Variants in PDILT observed in about 807,000 individuals in gnomAD.
PDILT encodes the protein protein disulfide isomerase like, testis expressed, also known as protein disulfide-isomerase-like protein of the testis.
In PDILT, 43 loss-of-function variants were observed where a neutral mutation model predicts 53.7. The observed-to-expected ratio is 0.80, with a 90% CI of 0.63 to 1.03. The LOEUF (loss-of-function observed/expected upper bound fraction) is 1.03. PDILT is among the 50% of genes least tolerant of loss of function. The pLI, the probability that PDILT is intolerant of heterozygous loss-of-function variation, is 0.00. For synonymous variants in PDILT, 282 were observed against 274.2 expected, an observed-to-expected ratio of 1.03 and a Z score of -0.28; for missense variants, 727 against 712.3, an observed-to-expected ratio of 1.02 and a Z score of -0.24.
intron 2 of PDILT, among the ~76,000 whole-genome samples, chr16:20,392,158 G>A (rs773430251): frequency 6.6e-6 from 1 of 152,106 alleles, no homozygotes; most frequent in Non-Finnish European, 1.5e-5. Context: ...TTAGAAAGTG[G>A]CATCCACAGG....
At chr16:20,374,782 A>G in intron 5 of PDILT, 40 bp downstream of exon 5, 1 of 1,584,260 alleles carries the variant, frequency 6.3e-7, no homozygotes, top group South Asian at 1.2e-5. Flanking sequence ...CACTACTTTG[A>G]ACCAGAGACC....
chr16:20,363,071 CAAAAA>C (rs1187383410), intron 9 of PDILT, among the ~76,000 whole-genome samples: 10 of 93,556 alleles, frequency 1.1e-4, no homozygotes, highest in African/African-American at 3.8e-4. Flanking sequence ...GACTCCATCT[CAAAAA>C]AAAAAAAAAA....
rs1482024087 is a variant in PDILT at position 20,400,044 on chromosome 16, ATCTATC to A, written c.-7-743_-7-738del. 8.1e-3 allele frequency among the ~76,000 whole-genome samples: 1,031 copies of A among 127,790 alleles called. 14 individuals carry two copies. Among genetic ancestry groups the A allele is most frequent in the African/African-American group, 0.03 (917 of 30,128 alleles). 83.8% of individuals were successfully genotyped at this position (127,790 alleles called of 152,430 possible). On this transcript the variant is annotated intron_variant, in intron 1 of 11. Transcript: ENST00000302451. ...TATCTATCTATCTATCTATCTATCT[ATCTATC>A]TATCTATATATATATATATATATTT...
chr16:20,383,944 T>C (rs1966495514), intron 3 of PDILT, among the ~76,000 whole-genome samples: 1 of 152,228 alleles, frequency 6.6e-6, no homozygotes, highest in Non-Finnish European at 1.5e-5. Context: ...GCTTGGCACA[T>C]GGTAGCTTGT....
chr16:20,379,211 G>A (rs991012109), intron 3 of PDILT, among the ~76,000 whole-genome samples: 1 of 151,798 alleles, frequency 6.6e-6, no homozygotes, highest in Admixed American at 6.6e-5. Context: ...GTCTTGCTCT[G>A]TTGCCCAGGC....
chr16:20,380,876 C>T (rs143528703), intron 3 of PDILT, among the ~76,000 whole-genome samples: 45 of 152,318 alleles, frequency 3.0e-4, no homozygotes, highest in South Asian at 2.1e-4. Context: ...GCCCCTCTGG[C>T]CCCTGTGGGA....
At chr16:20,399,077 C>T in intron 2 of PDILT, 22 bp downstream of exon 2, 1 of 1,613,934 alleles carries the variant, frequency 6.2e-7, no homozygotes. Context: ...TATCATCCAT[C>T]ACCCAGGATG....
At position 20,367,027 on chromosome 16, in the gene PDILT, CTTTCTTTCTTTCTTTCTTT is replaced by C. The variant is rs1966210873; in HGVS notation, c.1117-1506_1117-1488del. Among the ~76,000 whole-genome samples, 15 of 6,224 alleles carry C rather than the reference CTTTCTTTCTTTCTTTCTTT, an allele frequency of 2.4e-3. 2 individuals are homozygous for C. The highest frequency in any genetic ancestry group is 0.018 in the South Asian group (8 of 448). 4.1% of individuals were successfully genotyped at this position (6,224 alleles called of 152,430 possible). ...TTATTTATTTCTCTCTCTCTTTCTT[CTTTCTTTCTTTCTTTCTTT>C]CTTTCTTTCTTTCTTTCTTTCTTTC... On this transcript the variant is annotated intron_variant, in intron 8 of 11. Coordinates refer to ENST00000302451, the MANE Select transcript of PDILT (RefSeq NM_174924.2).
At chr16:20,366,412 C>T (rs868563713) in intron 8 of PDILT, among the ~76,000 whole-genome samples, 7 of 152,144 alleles carry the variant, frequency 4.6e-5, no homozygotes, top group African/African-American at 1.2e-4. Context: ...TGACCCTCCC[C>T]GCATCTAGAT....
intron 1 of PDILT, among the ~76,000 whole-genome samples, chr16:20,400,063 T>A (rs1024742961): frequency 8.9e-6 from 1 of 112,772 alleles, no homozygotes; most frequent in Non-Finnish European, 1.9e-5. Flanking sequence ...TCTATATATA[T>A]ATATATATAT....
intron 3 of PDILT, among the ~76,000 whole-genome samples, chr16:20,384,134 G>C (rs1966498049): frequency 6.6e-6 from 1 of 152,126 alleles, no homozygotes; most frequent in South Asian, 2.1e-4. Context: ...TCATTCTAAA[G>C]TCAAAGATTG....
chr16:20,395,097 T>C (rs1379845611), intron 2 of PDILT, among the ~76,000 whole-genome samples: 1 of 152,244 alleles, frequency 6.6e-6, no homozygotes, highest in African/African-American at 2.4e-5. Flanking sequence ...ATTGACCCCA[T>C]GATATGTAAA....
rs138618785 is a variant in PDILT, at chr16:20,400,054, CTATATATATATA to C, written c.-7-759_-7-748del. Among the ~76,000 whole-genome samples, 992 of 124,746 alleles carry C rather than the reference CTATATATATATA, an allele frequency of 8.0e-3. 13 individuals carry two copies. Among genetic ancestry groups the C allele is most frequent in the East Asian group, 0.038 (157 of 4,174 alleles). 81.8% of individuals were successfully genotyped at this position (124,746 alleles called of 152,430 possible). A position where few individuals can be genotyped will look rare whatever the true frequency, so the allele number is the denominator to read the frequency against. On this transcript the variant is annotated intron_variant, in intron 1 of 11. Transcript: ENST00000302451. Reference sequence around the variant, plus strand: ...TCTATCTATCTATCTATCTATCTATCTATATATATATATATATATTTTTTGAGACGGAGTTTT... The same window carrying C: ...TCTATCTATCTATCTATCTATCTATCTATATATTTTTTGAGACGGAGTTTT...
chr16:20,359,249 G>C lies in PDILT; in HGVS notation c.*70C>G. 1 of 1,585,648 alleles carries C rather than the reference G, an allele frequency of 6.3e-7. No homozygotes were observed. Among genetic ancestry groups the C allele is most frequent in the Non-Finnish European group, 8.6e-7 (1 of 1,168,452 alleles). On this transcript the variant is annotated 3_prime_UTR_variant, in exon 12 of 12. Transcript: ENST00000302451. ...ACCACAATGATATATGCTTTTATTGGAATCAATCCATTCAGAAAATGATGC... is the reference window on the plus strand; with the variant it reads ...ACCACAATGATATATGCTTTTATTGCAATCAATCCATTCAGAAAATGATGC...
At chr16:20,375,442 G>A (rs559818788) in intron 4 of PDILT, among the ~76,000 whole-genome samples, 1 of 152,296 alleles carries the variant, frequency 6.6e-6, no homozygotes, top group South Asian at 2.1e-4. Context: ...CCCAAGTTCT[G>A]CCTTCTACTG....
chr16:20,384,294 T>C (rs971094202), intron 3 of PDILT, among the ~76,000 whole-genome samples: 9 of 152,238 alleles, frequency 5.9e-5, no homozygotes, highest in African/African-American at 2.2e-4. Flanking sequence ...AAACCCGTTT[T>C]CTTTCTAAAA....
Position 20,394,590 on chromosome 16 carries a change from G to A in PDILT, c.202+4509C>T, listed in dbSNP as rs148989868. Among the ~76,000 whole-genome samples the A allele has an allele frequency of 1.1e-4, 17 of 152,366 alleles. No homozygotes were observed. In the East Asian group the frequency reaches 3.3e-3, roughly 29 times the overall value. On this transcript the variant is annotated intron_variant, in intron 2 of 11. Transcript: ENST00000302451. ...ACTTTAATGTATGTGAATCACTTGA[G>A]AATCTTGTTAAAATGCAGATTCCGA...
intron 2 of PDILT, among the ~76,000 whole-genome samples, chr16:20,392,489 A>T (rs1156856341): frequency 6.6e-6 from 1 of 152,034 alleles, no homozygotes; most frequent in Non-Finnish European, 1.5e-5. Context: ...CAGTGTCTGA[A>T]AATAATCTCT....
chr16:20,384,368 G>A (rs1424078999), intron 3 of PDILT, among the ~76,000 whole-genome samples: 1 of 152,070 alleles, frequency 6.6e-6, no homozygotes, highest in African/African-American at 2.4e-5. Flanking sequence ...ACAGAATTCT[G>A]GTCAATGGGA....
Sources: gnomAD v4.1 joint callset for allele counts (sites outside exome capture counted in the v4.1 genomes callset) on GRCh38, gnomAD v4.1.1 for gene constraint, MANE v1.5 for transcripts, NCBI Gene and HGNC (gene_info 2026-07-23, HGNC 2026-07-21) for gene names.